LRRIQ1: variants seen among roughly 807,000 people sequenced by gnomAD.
LRRIQ1 encodes leucine-rich repeat- and IQ domain-containing protein 1.
A neutral mutation model predicts 211.9 loss-of-function variants in LRRIQ1; 210 were observed. The ratio of observed to expected loss-of-function variants is 0.99; its 90% CI spans 0.89 to 1.11. LRRIQ1 has a LOEUF of 1.11. LRRIQ1 is among the 50% of genes most tolerant of loss of function. The pLI is 0.00. For missense variants in LRRIQ1, 2,136 were observed against 1,939.5 expected (o/e 1.10, Z -1.90); for synonymous variants, 699 against 650.1 (o/e 1.08, Z -1.14).
chr12:85,127,214 A>G (rs1282679495), intron 17 of LRRIQ1, among the ~76,000 whole-genome samples: 1 of 152,232 alleles, frequency 6.6e-6, no homozygotes, highest in African/African-American at 2.4e-5. Context: ...GTTGCTGGGC[A>G]ACTTAAGGAG....
intron 19 of LRRIQ1, among the ~76,000 whole-genome samples, chr12:85,143,442 C>T (rs543039545): frequency 6.6e-5 from 10 of 151,732 alleles, no homozygotes; most frequent in African/African-American, 2.4e-4. Flanking sequence ...CTTTGCTGCA[C>T]TGGAGCTTTT....
At chr12:85,246,172 A>T (rs1000555016), downstream of LRRIQ1, among the ~76,000 whole-genome samples, 13 of 151,238 alleles carry the variant, frequency 8.6e-5, no homozygotes, top group African/African-American at 3.1e-4. Flanking sequence ...GAGAGCTTGA[A>T]GTTTTCTTAC....
At chr12:85,150,727 A>G (rs1192252447) in intron 19 of LRRIQ1, among the ~76,000 whole-genome samples, 2 of 151,632 alleles carry the variant, frequency 1.3e-5, no homozygotes, top group Non-Finnish European at 1.5e-5. Context: ...AGGAATACTC[A>G]TGGCTCTGGT....
chr12:85,203,415 G>A (rs2137029991), intron 24 of LRRIQ1, among the ~76,000 whole-genome samples: 1 of 152,276 alleles, frequency 6.6e-6, no homozygotes, highest in South Asian at 2.1e-4. Context: ...ACCGAAAAAT[G>A]TGGAAGTGAC....
At chr12:85,166,493 T>C (rs918846059) in intron 24 of LRRIQ1, among the ~76,000 whole-genome samples, 2 of 152,252 alleles carry the variant, frequency 1.3e-5, no homozygotes, top group Non-Finnish European at 2.9e-5. Flanking sequence ...ATAACTTCTA[T>C]AATTTTTACT....
intron 26 of LRRIQ1, among the ~76,000 whole-genome samples, chr12:85,239,787 G>C (rs1895380704): frequency 6.6e-6 from 1 of 151,956 alleles, no homozygotes; most frequent in Admixed American, 6.6e-5. Flanking sequence ...GGACCAGCCT[G>C]GTCAACATGA....
chr12:85,178,968 A>T (rs1302691945), intron 24 of LRRIQ1, among the ~76,000 whole-genome samples: 1 of 151,852 alleles, frequency 6.6e-6, no homozygotes, highest in East Asian at 1.9e-4. Flanking sequence ...AAATGGGCAA[A>T]ACAAAATATT....
rs553675315 is a variant in LRRIQ1 at position 85,233,161 on chromosome 12, C to G, written c.5016+405C>G. 2.7e-5 allele frequency: 6 copies of G among 221,942 alleles called. No individual in the cohort carries two copies. The East Asian group carries it at 8.7e-4, about 32-fold the overall frequency. The allele number at this position is 221,942 out of a possible 1,614,324, so 13.7% of individuals were successfully genotyped here. A position where few individuals can be genotyped will look rare whatever the true frequency, so the allele number is the denominator to read the frequency against. On this transcript the variant is annotated intron_variant, in intron 26 of 26. Coordinates refer to ENST00000393217, the MANE Select transcript of LRRIQ1 (RefSeq NM_001079910.2). ...AATTAACAAATAATTGTGAGCTCAACCACTCTATGTAATAAAGTGTAAAAT... is the reference window on the plus strand; with the variant it reads ...AATTAACAAATAATTGTGAGCTCAAGCACTCTATGTAATAAAGTGTAAAAT...
At chr12:85,245,789 A>T (rs897301278), downstream of LRRIQ1, among the ~76,000 whole-genome samples, 1 of 150,840 alleles carries the variant, frequency 6.6e-6, no homozygotes, top group Non-Finnish European at 1.5e-5. Context: ...GAAACTCAAG[A>T]TTTAATCGTA....
At chr12:85,096,558 C>T (rs1184280941) in intron 11 of LRRIQ1, among the ~76,000 whole-genome samples, 1 of 152,088 alleles carries the variant, frequency 6.6e-6, no homozygotes, top group African/African-American at 2.4e-5. Context: ...TTAATTCATT[C>T]AGACATGCTT....
chr12:85,197,323 A>G (rs1227488292), intron 24 of LRRIQ1, among the ~76,000 whole-genome samples: 2 of 151,832 alleles, frequency 1.3e-5, no homozygotes, highest in African/African-American at 4.8e-5. Flanking sequence ...CCATCCCATT[A>G]CTGGGTATAT....
intron 24 of LRRIQ1, among the ~76,000 whole-genome samples, chr12:85,174,004 G>A (rs757607448): frequency 2.0e-5 from 3 of 152,018 alleles, no homozygotes; most frequent in Non-Finnish European, 4.4e-5. Context: ...AGACAGTAGG[G>A]TTTGCAGTTT....
chr12:85,232,605 A>G, intron 25 of LRRIQ1, 91 bp from the exon 26 acceptor site: 1 of 1,018,580 alleles, frequency 9.8e-7, no homozygotes, highest in Non-Finnish European at 1.5e-6. Flanking sequence ...TAAATAACGA[A>G]TTTCTCTCAA....
chr12:85,232,799 T>G, intron 26 of LRRIQ1, 43 bp downstream of exon 26: 1 of 1,367,970 alleles, frequency 7.3e-7, no homozygotes, highest in Non-Finnish European at 1.0e-6. Context: ...TTGTAGACAC[T>G]AGTGCTCAAA....
chr12:85,129,011 C>T (rs1177976929), intron 18 of LRRIQ1, among the ~76,000 whole-genome samples: 5 of 152,088 alleles, frequency 3.3e-5, no homozygotes, highest in Admixed American at 1.3e-4. Flanking sequence ...CTCATTTGCT[C>T]ACAGCTGTAA....
At chr12:85,065,486 A>G (rs1183572593) in intron 9 of LRRIQ1, 72 bp downstream of exon 9, 1 of 1,243,930 alleles carries the variant, frequency 8.0e-7, no homozygotes, top group Non-Finnish European at 1.1e-6. Context: ...CATTTCAGAA[A>G]TGACCCTTTT....
intron 26 of LRRIQ1, among the ~76,000 whole-genome samples, chr12:85,238,409 A>T (rs1309796539): frequency 6.6e-6 from 1 of 152,086 alleles, no homozygotes; most frequent in Non-Finnish European, 1.5e-5. Flanking sequence ...AAAGCTTAAC[A>T]CAAAAATTAC....
At chr12:85,196,913 T>G (rs1415555589) in intron 24 of LRRIQ1, among the ~76,000 whole-genome samples, 2 of 152,022 alleles carry the variant, frequency 1.3e-5, no homozygotes, top group African/African-American at 4.8e-5. Context: ...GGAGAAAATT[T>G]TTGCAACCTA....
intron 4 of LRRIQ1, 141 bp downstream of exon 4, chr12:85,044,950 G>A (rs1321885214): frequency 9.7e-6 from 4 of 412,658 alleles, no homozygotes; most frequent in Non-Finnish European, 1.8e-5. Context: ...AATCATCTGT[G>A]GTTTTATGGT....
Sources: allele counts gnomAD v4.1 joint callset (sites outside exome capture counted in the v4.1 genomes callset), GRCh38; gene constraint gnomAD v4.1.1; transcripts MANE v1.5; gene names NCBI Gene and HGNC (gene_info 2026-07-23, HGNC 2026-07-21).